The following TSPAN8 variants were observed in gnomAD, a reference collection of about 807,000 sequenced individuals.
TSPAN8 encodes tetraspanin 8, also known as tetraspanin-8.
A neutral mutation model predicts 32.8 loss-of-function variants in TSPAN8; 21 were observed. The ratio of observed to expected loss-of-function variants is 0.64; its 90% CI spans 0.45 to 0.92. TSPAN8 has a LOEUF of 0.92. TSPAN8 is among the 40% of genes least tolerant of loss of function. The pLI is 0.00. For synonymous variants in TSPAN8, 95 were observed against 94.6 expected (o/e 1.00, Z -0.03); for missense variants, 269 against 281.9 (o/e 0.95, Z 0.33).
At chr12:71,137,836 T>A in intron 6 of TSPAN8, 117 bp downstream of exon 6, 1 of 848,572 alleles carries the variant, frequency 1.2e-6, no homozygotes, top group Non-Finnish European at 1.8e-6. Flanking sequence ...GACAGAATAA[T>A]CAATCAAAAT....
chr12:71,126,103 T>G (rs1871342060), intron 8 of TSPAN8, among the ~76,000 whole-genome samples: 1 of 152,128 alleles, frequency 6.6e-6, no homozygotes. Context: ...CTGTGTGCAT[T>G]ACCAATAGAA....
Position 71,129,384 on chromosome 12 carries a change from C to A in TSPAN8, c.607G>T (p.Ala203Ser), listed in dbSNP as rs754482138. Residue 203 changes from alanine to serine, a missense_variant, in exon 8 of 9, where the codon GCA becomes TCA. By Grantham distance (99) the Ala-to-Ser change is moderately conservative (BLOSUM62 1). Coordinates refer to ENST00000247829, the MANE Select transcript of TSPAN8 (RefSeq NM_004616.3). ...CCAATAACTATAATCAAATTTTTTG[C>A]CAAGAAGTCTTTTATGAAAGAAATA... is the stretch of plus-strand genomic sequence containing the variant. ...TCISFIKDFL[A>S]KNLIIVIGIS... 2.8e-5 allele frequency: 45 copies of A among 1,583,560 alleles called. No individual in the cohort carries two copies. The South Asian group carries it at 5.1e-4, about 18-fold the overall frequency.
At chr12:71,156,846 A>G (rs1872459889) in intron 2 of TSPAN8, 1 of 152,226 alleles carries the variant, frequency 6.6e-6, no homozygotes, top group South Asian at 2.1e-4. Context: ...TGTACCATAT[A>G]TGCTAAAAAT....
At chr12:71,129,532 A>C in intron 7 of TSPAN8, 118 bp from the exon 8 acceptor site, 2 of 1,114,662 alleles carry the variant, frequency 1.8e-6, no homozygotes, top group Non-Finnish European at 2.4e-6. Context: ...ACACTTAACG[A>C]CAAGGAACTG....
intron 2 of TSPAN8, among the ~76,000 whole-genome samples, chr12:71,154,296 C>T (rs1225554002): frequency 6.9e-6 from 1 of 145,810 alleles, no homozygotes; most frequent in African/African-American, 2.5e-5. Context: ...GGCAACAGAG[C>T]GAGACTCTGT....
intron 7 of TSPAN8, among the ~76,000 whole-genome samples, chr12:71,129,868 G>A (rs1871464270): frequency 6.6e-6 from 1 of 151,824 alleles, no homozygotes; most frequent in Admixed American, 6.6e-5. Flanking sequence ...ATCTAAAACA[G>A]AAAGGTTTCT....
intron 2 of TSPAN8, among the ~76,000 whole-genome samples, chr12:71,145,250 T>C (rs1007049574): frequency 4.6e-5 from 7 of 152,116 alleles, no homozygotes; most frequent in African/African-American, 1.4e-4. Flanking sequence ...GGAAGCACAA[T>C]GAGTAGTTGA....
Position 71,144,084 on chromosome 12 carries a change from T to C in TSPAN8, c.123+67A>G, listed in dbSNP as rs1371094896. 1.2e-5 allele frequency: 17 copies of C among 1,402,782 alleles called. No individual in the cohort carries two copies. In the East Asian group the frequency reaches 3.9e-4, roughly 32 times the overall value. 86.9% of individuals were successfully genotyped at this position (1,402,782 alleles called of 1,614,324 possible). ...GACATGTTTATTACTATTATTGTTA[T>C]AACTTTCATTATTATAAATGAAATA... On this transcript the variant is annotated intron_variant, in intron 3 of 8. Transcript: ENST00000247829.
At chr12:71,136,207 T>C (rs939864460) in intron 6 of TSPAN8, among the ~76,000 whole-genome samples, 1 of 152,108 alleles carries the variant, frequency 6.6e-6, no homozygotes, top group Non-Finnish European at 1.5e-5. Context: ...CTATCATATA[T>C]AAAAGCATCA....
chr12:71,143,000 G>A (rs776071292), intron 3 of TSPAN8, among the ~76,000 whole-genome samples: 4 of 152,076 alleles, frequency 2.6e-5, no homozygotes, highest in African/African-American at 4.8e-5. Context: ...GGTGAAATAC[G>A]TTTTAGTAGA....
At chr12:71,133,045 C>A (rs997166340) in intron 6 of TSPAN8, among the ~76,000 whole-genome samples, 28 of 152,036 alleles carry the variant, frequency 1.8e-4, no homozygotes, top group African/African-American at 6.8e-4. Context: ...ACTCAAAAAT[C>A]TGAAGAAGTT....
intron 8 of TSPAN8, 54 bp from the exon 9 acceptor site, chr12:71,125,441 C>T: frequency 1.4e-6 from 2 of 1,407,182 alleles, no homozygotes; most frequent in South Asian, 2.5e-5. Context: ...ACACTGGACA[C>T]ATTATAAATA....
intron 3 of TSPAN8, among the ~76,000 whole-genome samples, chr12:71,140,363 T>C (rs1871864443): frequency 6.6e-6 from 1 of 152,062 alleles, no homozygotes; most frequent in Non-Finnish European, 1.5e-5. Context: ...AGCAAAACTA[T>C]GGTTATAAAA....
At chr12:71,136,512 TAGTA>T (rs2137050463) in intron 6 of TSPAN8, among the ~76,000 whole-genome samples, 1 of 152,270 alleles carries the variant, frequency 6.6e-6, no homozygotes, top group African/African-American at 2.4e-5. Flanking sequence ...AAGGAAAAAG[TAGTA>T]AGAGCACTCC....
chr12:71,133,769 C>A (rs1253594383), intron 6 of TSPAN8, among the ~76,000 whole-genome samples: 1 of 152,006 alleles, frequency 6.6e-6, no homozygotes, highest in Non-Finnish European at 1.5e-5. Context: ...GGAAGAAAAA[C>A]AAGGAAATGA....
intron 6 of TSPAN8, among the ~76,000 whole-genome samples, chr12:71,136,741 G>A (rs534169722): frequency 6.6e-6 from 1 of 152,230 alleles, no homozygotes; most frequent in South Asian, 2.1e-4. Context: ...AAAAATAACA[G>A]ACTGGTCAGA....
At chr12:71,133,087 T>C (rs1479823434) in intron 6 of TSPAN8, among the ~76,000 whole-genome samples, 1 of 152,036 alleles carries the variant, frequency 6.6e-6, no homozygotes, top group Non-Finnish European at 1.5e-5. Context: ...ACTAGGTTTT[T>C]TATTTTTATT....
intron 2 of TSPAN8, chr12:71,157,007 T>G (rs889124938): frequency 6.6e-5 from 10 of 152,210 alleles, no homozygotes; most frequent in African/African-American, 2.4e-4. Flanking sequence ...ATACAAATCC[T>G]GTCAATTAAA....
chr12:71,127,903 T>G (rs189276158), intron 8 of TSPAN8, among the ~76,000 whole-genome samples: 2 of 152,194 alleles, frequency 1.3e-5, no homozygotes, highest in African/African-American at 4.8e-5. Context: ...ATATTAAATA[T>G]CTCATTTAAA....
Sources: gnomAD v4.1 joint callset for allele counts (sites outside exome capture counted in the v4.1 genomes callset) on GRCh38, gnomAD v4.1.1 for gene constraint, MANE v1.5 for transcripts, NCBI Gene and HGNC (gene_info 2026-07-23, HGNC 2026-07-21) for gene names.